The following NSL1 variants were observed in gnomAD, a reference collection of about 807,000 sequenced individuals.
NSL1 encodes the protein NSL1 component of MIS12 kinetochore complex, also known as kinetochore-associated protein NSL1 homolog.
Under a neutral mutation model 25.4 loss-of-function variants are expected in NSL1, and 11 were observed. The observed-to-expected ratio is 0.43, with a 90% CI of 0.27 to 0.72. The LOEUF (loss-of-function observed/expected upper bound fraction) is 0.72. NSL1 is among the 30% of genes least tolerant of loss of function. NSL1 has a pLI of 0.19. For synonymous variants in NSL1, 118 were observed against 120.6 expected, an observed-to-expected ratio of 0.98 and a Z score of 0.14; for missense variants, 330 against 342.7, an observed-to-expected ratio of 0.96 and a Z score of 0.29.
intron 4 of NSL1, among the ~76,000 whole-genome samples, chr1:212,758,883 T>C (rs963464611): frequency 5.9e-5 from 9 of 152,200 alleles, no homozygotes; most frequent in African/African-American, 2.2e-4. Flanking sequence ...GATTTCAAAA[T>C]TTCTTACAAA....
At chr1:212,745,198 A>ATATATATG (rs1658727981) in intron 4 of NSL1, among the ~76,000 whole-genome samples, 1 of 80,502 alleles carries the variant, frequency 1.2e-5, no homozygotes, top group Non-Finnish European at 2.5e-5. Context: ...ATATATATAT[A>ATATATATG]TATATGCATA....
Position 212,729,088 on chromosome 1 carries a change from TA to T in NSL1, c.*9319del. On this transcript the variant is annotated 3_prime_UTR_variant, in exon 6 of 6. Coordinates refer to ENST00000366977, the MANE Select transcript of NSL1 (RefSeq NM_015471.4). Reference sequence around the variant, plus strand: ...AAGAAAAATAAATTGCAGTAAGTGTTAAAACTTGCCAGTCAATTACAGGAAT... The same window carrying T: ...AAGAAAAATAAATTGCAGTAAGTGTTAAACTTGCCAGTCAATTACAGGAAT... The T allele has an allele frequency of 1.7e-5, 17 of 985,472 alleles. No homozygotes were observed. Among genetic ancestry groups the T allele is most frequent in the Non-Finnish European group, 1.9e-5 (16 of 829,934 alleles). The allele number at this position is 985,472 out of a possible 1,614,324, so 61.0% of individuals were successfully genotyped here.
At chr1:212,739,964 C>A (rs1171531473) in intron 4 of NSL1, among the ~76,000 whole-genome samples, 1 of 152,144 alleles carries the variant, frequency 6.6e-6, no homozygotes, top group Non-Finnish European at 1.5e-5. Context: ...AAAAGTAACA[C>A]ATATTCGATC....
chr1:212,766,478 C>T (rs1659825143), intron 4 of NSL1, among the ~76,000 whole-genome samples: 2 of 151,558 alleles, frequency 1.3e-5, no homozygotes, highest in Non-Finnish European at 2.9e-5. Context: ...CCTGTCTCTA[C>T]TAAATATACA....
chr1:212,741,169 C>G (rs531852770), intron 4 of NSL1, among the ~76,000 whole-genome samples: 1 of 152,200 alleles, frequency 6.6e-6, no homozygotes, highest in African/African-American at 2.4e-5. Flanking sequence ...CCCAAAAGTA[C>G]TCAGGGGCAT....
Position 212,729,894 on chromosome 1 carries a change from G to C in NSL1, c.*8514C>G. The C allele has an allele frequency of 1.0e-6, 1 of 985,384 alleles. No homozygotes were observed. The highest frequency in any genetic ancestry group is 1.2e-6 in the Non-Finnish European group (1 of 829,924). 61.0% of individuals were successfully genotyped at this position (985,384 alleles called of 1,614,324 possible). On this transcript the variant is annotated 3_prime_UTR_variant, in exon 6 of 6. Transcript: ENST00000366977. ...GTGACCCAGGCAGCAAGGACCCTGA[G>C]GGGGCAGGTAACCAGAAGCTGCCTT...
At position 212,734,701 on chromosome 1, in the gene NSL1, T is replaced by C. The variant is rs1372253801; in HGVS notation, c.*3707A>G. Reference sequence around the variant, plus strand: ...TCCACATTGTTATAACAGTAATTTGTTCTTTATTCCTGTATTCCTTCCCTG... The same window carrying C: ...TCCACATTGTTATAACAGTAATTTGCTCTTTATTCCTGTATTCCTTCCCTG... On this transcript the variant is annotated 3_prime_UTR_variant, in exon 6 of 6. Transcript: ENST00000366977. Among the ~76,000 whole-genome samples the C allele has an allele frequency of 1.3e-5, 2 of 152,214 alleles. No individual in the cohort carries two copies. Among genetic ancestry groups the C allele is most frequent in the East Asian group, 3.8e-4 (2 of 5,202 alleles).
intron 4 of NSL1, among the ~76,000 whole-genome samples, chr1:212,756,000 CA>C (rs763023311): frequency 6.6e-6 from 1 of 151,896 alleles, no homozygotes; most frequent in Non-Finnish European, 1.5e-5. Context: ...ATTCCTGTAA[CA>C]ATTATATAAG....
chr1:212,736,277 G>T lies in NSL1; in HGVS notation c.*2131C>A. 1.1e-6 allele frequency: 1 copy of T among 875,560 alleles called. No homozygotes were observed. 54.2% of individuals were successfully genotyped at this position (875,560 alleles called of 1,614,324 possible). On this transcript the variant is annotated 3_prime_UTR_variant, in exon 6 of 6. Transcript: ENST00000366977. Reference sequence around the variant, plus strand: ...GGGCTCAAGTAATCTGTCCACTTCAGCCTCCCAAAGTGCTGGGATTACAGG... The same window carrying T: ...GGGCTCAAGTAATCTGTCCACTTCATCCTCCCAAAGTGCTGGGATTACAGG...
chr1:212,756,810 G>C (rs375987762), intron 4 of NSL1, among the ~76,000 whole-genome samples: 2 of 151,918 alleles, frequency 1.3e-5, no homozygotes, highest in Non-Finnish European at 2.9e-5. Context: ...ACAGAGCAAG[G>C]CTCCGTCTCA....
intron 3 of NSL1, among the ~76,000 whole-genome samples, chr1:212,782,724 G>A (rs187188743): frequency 1.0e-3 from 157 of 152,294 alleles, no homozygotes; most frequent in African/African-American, 3.4e-3. Flanking sequence ...TATGTTTAAA[G>A]TACAGGGTAG....
chr1:212,732,030 T>A lies in NSL1; in HGVS notation c.*6378A>T, dbSNP rs76998418. The A allele has an allele frequency of 5.1e-6, 1 of 197,342 alleles. No individual in the cohort carries two copies. Among genetic ancestry groups the A allele is most frequent in the Non-Finnish European group, 6.9e-6 (1 of 144,478 alleles). The allele number at this position is 197,342 out of a possible 1,614,324, so 12.2% of individuals were successfully genotyped here. On this transcript the variant is annotated 3_prime_UTR_variant, in exon 6 of 6. Transcript: ENST00000366977. Reference sequence around the variant, plus strand: ...AGCCTCCCAGTGTAACTGTCCCAATTTTTTTTTTTTTTTTTTACTGAATTC... The same window carrying A: ...AGCCTCCCAGTGTAACTGTCCCAATATTTTTTTTTTTTTTTTACTGAATTC...
rs772203161 is a variant in NSL1, at chr1:212,738,662, C to T, written c.592G>A (p.Gly198Arg). The stretch of plus-strand genomic sequence containing the variant: ...CTGAGAACTTGGGAAAATCCCTCTC[C>T]TTGTTCAATTAATGCAGGCAAGGAC... Reference protein sequence around the residue: ...MKSLPALIEQGEGFSQVLRMQ... With the variant: ...MKSLPALIEQREGFSQVLRMQ... Residue 198 changes from glycine to arginine, a missense_variant, in exon 6 of 6, where the codon GGA becomes AGA. Coordinates refer to ENST00000366977, the MANE Select transcript of NSL1 (RefSeq NM_015471.4). 9 of 1,613,874 alleles carry T rather than the reference C, an allele frequency of 5.6e-6. No individual in the cohort carries two copies. The South Asian group carries it at 9.9e-5, about 18-fold the overall frequency.
chr1:212,785,926 T>C (rs1217548528), intron 2 of NSL1, among the ~76,000 whole-genome samples: 1 of 152,248 alleles, frequency 6.6e-6, no homozygotes, highest in African/African-American at 2.4e-5. Flanking sequence ...ACATATCAGA[T>C]AATCAAGTAT....
At position 212,791,668 on chromosome 1, in the gene NSL1, G is replaced by C. The variant is rs143517350; in HGVS notation, c.96C>G (p.Pro32=). 1 of 1,613,986 alleles carries C rather than the reference G, an allele frequency of 6.2e-7. No homozygotes were observed. Among genetic ancestry groups the C allele is most frequent in the Non-Finnish European group, 8.5e-7 (1 of 1,180,026 alleles). ...TGCAGCGCACCCGAAAGTCTTCTCG[G>C]GGAGTGGCGGAGACCAAGGCCTGGC... ...TESQALVSAT[P]REDFRVRCTS... is the part of the protein sequence containing the mutation. The change falls in exon 1 of 6, where the codon CCC becomes CCG. Residue 32 remains proline, a synonymous_variant. Coordinates refer to ENST00000366977, the MANE Select transcript of NSL1 (RefSeq NM_015471.4).
intron 2 of NSL1, among the ~76,000 whole-genome samples, chr1:212,785,121 G>C (rs531221178): frequency 1.3e-5 from 2 of 152,252 alleles, no homozygotes; most frequent in African/African-American, 2.4e-5. Context: ...AAGAAGTTTT[G>C]ACTTATTATG....
chr1:212,782,731 G>T (rs1209986487), intron 3 of NSL1, among the ~76,000 whole-genome samples: 1 of 152,180 alleles, frequency 6.6e-6, no homozygotes, highest in Non-Finnish European at 1.5e-5. Flanking sequence ...AAAGTACAGG[G>T]TAGTCTCCAA....
At chr1:212,786,175 G>A (rs1296546709) in intron 2 of NSL1, among the ~76,000 whole-genome samples, 4 of 151,754 alleles carry the variant, frequency 2.6e-5, no homozygotes, top group Non-Finnish European at 4.4e-5. Context: ...ATAGCTTTTG[G>A]GGTACAAGTG....
At chr1:212,776,691 A>C (rs1660383272) in intron 4 of NSL1, among the ~76,000 whole-genome samples, 1 of 150,580 alleles carries the variant, frequency 6.6e-6, no homozygotes, top group Non-Finnish European at 1.5e-5. Context: ...GAAGGCAATA[A>C]AAGGAAAACG....
Sources: gnomAD v4.1 joint callset for allele counts (sites outside exome capture counted in the v4.1 genomes callset) on GRCh38, gnomAD v4.1.1 for gene constraint, MANE v1.5 for transcripts, NCBI Gene and HGNC (gene_info 2026-07-23, HGNC 2026-07-21) for gene names.